Variants in ANKUB1 observed in about 807,000 individuals in gnomAD.
ANKUB1 encodes ankyrin repeat and ubiquitin domain containing 1, also known as protein ANKUB1.
In ANKUB1, 42 loss-of-function variants were observed where a neutral mutation model predicts 49.3. That is an observed-to-expected ratio of 0.85 (90% CI 0.67 to 1.10). The LOEUF is 1.10. Ranked by LOEUF, ANKUB1 falls within the 50% of genes least tolerant of loss-of-function variation. The pLI, the probability that ANKUB1 is intolerant of heterozygous loss-of-function variation, is 0.00. For missense variants in ANKUB1, 613 were observed against 642.0 expected (o/e 0.95, Z 0.49); for synonymous variants, 222 against 231.0 (o/e 0.96, Z 0.35).
At chr3:149,787,421 T>C (rs1718156741) in intron 2 of ANKUB1, among the ~76,000 whole-genome samples, 1 of 152,228 alleles carries the variant, frequency 6.6e-6, no homozygotes, top group East Asian at 1.9e-4. Flanking sequence ...ATTGATTTTG[T>C]ATCCTGAGAC....
In ANKUB1 at chr3:149,790,925, C is replaced by A; in HGVS notation, c.91-1G>T. ...CAGAGAGAGGAATGTGGAAATAATC[C>A]TTAAAAATCAATAGCATATTATGAA... On this transcript the variant is annotated splice_acceptor_variant, in intron 1 of 5. Transcript: ENST00000446160. LOFTEE classifies it high-confidence loss of function. 6.4e-7 allele frequency: 1 copy of A among 1,550,810 alleles called. No individual in the cohort carries two copies. Among genetic ancestry groups the A allele is most frequent in the Non-Finnish European group, 8.7e-7 (1 of 1,146,576 alleles).
intron 5 of ANKUB1, chr3:149,766,754 C>T: frequency 1.2e-6 from 1 of 869,532 alleles, no homozygotes; most frequent in African/African-American, 1.7e-5. Context: ...GCTGTGATAG[C>T]ACCACTGCAC....
At chr3:149,789,722 T>C (rs1395110280) in intron 2 of ANKUB1, among the ~76,000 whole-genome samples, 2 of 150,776 alleles carry the variant, frequency 1.3e-5, no homozygotes, top group Non-Finnish European at 2.9e-5. Context: ...CTCCCCCTCC[T>C]GGGTTCAAGT....
At chr3:149,777,500 C>CAACAACAAA (rs553178860) in intron 3 of ANKUB1, among the ~76,000 whole-genome samples, 1 of 151,330 alleles carries the variant, frequency 6.6e-6, no homozygotes, top group Non-Finnish European at 1.5e-5. Flanking sequence ...ACAACAACAA[C>CAACAACAAA]AAAAAAACAC....
chr3:149,766,489 A>T (rs1419367917), intron 5 of ANKUB1: 1 of 197,326 alleles, frequency 5.1e-6, no homozygotes, highest in East Asian at 9.5e-5. Context: ...AAAGAAGTGG[A>T]AGAGGAGGAA....
chr3:149,763,437 G>A (rs1195154469), intron 5 of ANKUB1, among the ~76,000 whole-genome samples: 2 of 152,174 alleles, frequency 1.3e-5, no homozygotes, highest in East Asian at 3.9e-4. Context: ...TCTATGTGCT[G>A]GAGATACAAA....
intron 2 of ANKUB1, among the ~76,000 whole-genome samples, 166 bp from the exon 3 acceptor site, chr3:149,780,621 C>A (rs1479165490): frequency 6.6e-6 from 1 of 152,146 alleles, no homozygotes; most frequent in Non-Finnish European, 1.5e-5. Context: ...GCTCTTATGT[C>A]CTGAGATATT....
In ANKUB1 at chr3:149,780,450, T is replaced by G. The variant is rs769789290; in HGVS notation, c.240A>C (p.Glu80Asp). The change falls in exon 3 of 6, where the codon GAA becomes GAC. Residue 80 changes from glutamate (E) to aspartate (D), a missense_variant. Physicochemically the swap from Glu to Asp is conservative, Grantham distance 45. Transcript: ENST00000446160. ...TGAACACGTATAGAGTAGGCTTGTC[T>G]TCTTCCTAAAGGGAAAGAAAAGGAG... ...CSTLKCFVKE[E>D]DKPTLYVFNA... 1.0e-5 allele frequency: 16 copies of G among 1,551,256 alleles called. No individual in the cohort carries two copies. In the South Asian group the frequency reaches 1.1e-4, roughly 10 times the overall value.
intron 3 of ANKUB1, among the ~76,000 whole-genome samples, chr3:149,775,933 G>A (rs929196093): frequency 1.4e-4 from 22 of 152,016 alleles, no homozygotes; most frequent in African/African-American, 5.3e-4. Flanking sequence ...GTATATGTAT[G>A]TATTGGACCT....
intron 2 of ANKUB1, chr3:149,783,109 T>C (rs1717940284): frequency 6.6e-6 from 1 of 152,358 alleles, no homozygotes; most frequent in Non-Finnish European, 1.5e-5. Context: ...CTTGTTTTTA[T>C]GGGAAAACCC....
Position 149,768,102 on chromosome 3 carries a change from G to T in ANKUB1, c.567-7C>A. 1 of 1,345,542 alleles carries T rather than the reference G, an allele frequency of 7.4e-7. No individual in the cohort carries two copies. Among genetic ancestry groups the T allele is most frequent in the South Asian group, 2.3e-5 (1 of 42,822 alleles). 83.4% of individuals were successfully genotyped at this position (1,345,542 alleles called of 1,614,324 possible). On this transcript the variant is annotated splice_region_variant and splice_polypyrimidine_tract_variant and intron_variant, in intron 4 of 5. Transcript: ENST00000446160. ...GGCTACCCTTTTCTGATACCTAAAT[G>T]AGTGAAACAAGTGGGGAGGGGGTGT...
chr3:149,787,423 T>A (rs561509749), intron 2 of ANKUB1, among the ~76,000 whole-genome samples: 7 of 152,344 alleles, frequency 4.6e-5, no homozygotes, highest in Admixed American at 3.9e-4. Context: ...TGATTTTGTA[T>A]CCTGAGACTT....
In ANKUB1 at chr3:149,780,352, C is replaced by T. The variant is rs1002537688; in HGVS notation, c.338G>A (p.Arg113Lys). Residue 113 changes from arginine (R) to lysine (K), a missense_variant, in exon 3 of 6, where the codon AGA becomes AAA. Coordinates refer to ENST00000446160, the MANE Select transcript of ANKUB1 (RefSeq NM_001144960.3). ...GCCACATCTCAGAGTTACCAGTGTT[C>T]TCAGATCAGACACTGTTTTATCAAG... ...SLLDKTVSDL[R>K]TLVTLRCGLP... is the part of the protein sequence containing the mutation. The T allele has an allele frequency of 6.4e-6, 10 of 1,551,806 alleles. No homozygotes were observed. Among genetic ancestry groups the T allele is most frequent in the African/African-American group, 5.5e-5 (4 of 73,028 alleles).
At chr3:149,782,295 A>G (rs183101453) in intron 2 of ANKUB1, among the ~76,000 whole-genome samples, 187 of 152,184 alleles carry the variant, frequency 1.2e-3, no homozygotes, top group Middle Eastern at 6.8e-3. Context: ...AGGGCTCACT[A>G]TGTTGCCCAG....
chr3:149,770,492 A>G (rs777630619), intron 4 of ANKUB1, 68 bp downstream of exon 4: 7 of 1,182,252 alleles, frequency 5.9e-6, no homozygotes, highest in Admixed American at 2.1e-5. Flanking sequence ...TTGCAGGCTC[A>G]AGGTATGATG....
intron 4 of ANKUB1, among the ~76,000 whole-genome samples, chr3:149,768,497 C>T (rs1268097807): frequency 1.3e-5 from 2 of 152,130 alleles, no homozygotes; most frequent in Non-Finnish European, 2.9e-5. Context: ...CAATTCAATA[C>T]CCAGTTCTGC....
intron 2 of ANKUB1, among the ~76,000 whole-genome samples, chr3:149,784,274 A>G (rs1717993959): frequency 6.6e-6 from 1 of 152,176 alleles, no homozygotes; most frequent in South Asian, 2.1e-4. Flanking sequence ...AACCAGAAGG[A>G]GTCCTAGGGA....
At chr3:149,784,718 G>T (rs1718019466) in intron 2 of ANKUB1, among the ~76,000 whole-genome samples, 1 of 152,130 alleles carries the variant, frequency 6.6e-6, no homozygotes, top group Admixed American at 6.5e-5. Context: ...CATGATGTTG[G>T]TCAGGGGAAA....
Position 149,767,542 on chromosome 3 carries a change from C to G in ANKUB1, c.1120G>C (p.Val374Leu), listed in dbSNP as rs1166723161. ...TTGCTGAGAGATGGTAGCTTGAGCA[C>G]GATGCTTTGTGAGTCGCTGTTCCCA... is the stretch of plus-strand genomic sequence containing the variant. ...KAGNSDSQSI[V>L]LKLPSLSKQT... Residue 374 changes from valine to leucine, a missense_variant, in exon 5 of 6, where the codon GTG becomes CTG. Val to Leu is a conservative substitution (Grantham distance 32). Coordinates refer to ENST00000446160, the MANE Select transcript of ANKUB1 (RefSeq NM_001144960.3). The G allele has an allele frequency of 1.9e-6, 3 of 1,551,572 alleles. No homozygotes were observed. The highest frequency in any genetic ancestry group is 2.0e-5 in the Admixed American group (1 of 50,994).
Sources: gnomAD v4.1 joint callset for allele counts (sites outside exome capture counted in the v4.1 genomes callset) on GRCh38, gnomAD v4.1.1 for gene constraint, MANE v1.5 for transcripts, NCBI Gene and HGNC (gene_info 2026-07-23, HGNC 2026-07-21) for gene names.